KCNQ4: variants seen among roughly 807,000 people sequenced by gnomAD.
KCNQ4 encodes the protein potassium voltage-gated channel subfamily KQT member 4.
KCNQ4 carries 31 observed loss-of-function variants against 72.6 expected under a neutral mutation model. That is an observed-to-expected ratio of 0.43 (90% confidence interval 0.32 to 0.58). The LOEUF is 0.58. Among genes scored for constraint, KCNQ4 ranks in the 20% least tolerant of loss-of-function variants. The pLI, the probability that KCNQ4 is intolerant of heterozygous loss-of-function variation, is 0.08. For missense variants in KCNQ4, 869 were observed against 962.6 expected, an observed-to-expected ratio of 0.90 and a Z score of 1.29; for synonymous variants, 405 against 403.7, an observed-to-expected ratio of 1.00 and a Z score of -0.04.
In KCNQ4 at chr1:40,818,579, C is replaced by T. The variant is rs1414937353; in HGVS notation, c.607C>T (p.Leu203=). 2 of 1,605,628 alleles carry T rather than the reference C, an allele frequency of 1.2e-6. No homozygotes were observed. Among genetic ancestry groups the T allele is most frequent in the Non-Finnish European group, 8.5e-7 (1 of 1,179,828 alleles). The change falls in exon 4 of 14, where the codon CTG becomes TTG. Residue 203 remains leucine (L), a synonymous_variant. Transcript: ENST00000347132. ...TQGNIFATSA[L]RSMRFLQILR... ...GGGCAACATCTTCGCCACGTCCGCG[C>T]TGCGCAGCATGCGCTTCCTGCAGAT...
chr1:40,797,729 C>A (rs1251103629), intron 1 of KCNQ4, among the ~76,000 whole-genome samples: 1 of 152,170 alleles, frequency 6.6e-6, no homozygotes, highest in Non-Finnish European at 1.5e-5. Context: ...TGAGTGCCTC[C>A]TCCAGAGCTA....
At chr1:40,792,234 G>A (rs1647297187) in intron 1 of KCNQ4, among the ~76,000 whole-genome samples, 1 of 152,184 alleles carries the variant, frequency 6.6e-6, no homozygotes, top group South Asian at 2.1e-4. Context: ...GAAAGGAAAA[G>A]CAGGAACAGC....
intron 1 of KCNQ4, among the ~76,000 whole-genome samples, chr1:40,799,432 G>GCCC (rs149663653): frequency 1.1e-4 from 16 of 151,094 alleles, no homozygotes; most frequent in African/African-American, 3.6e-4. Context: ...TGTGGGCCAT[G>GCCC]CCCCCCCCCT....
intron 1 of KCNQ4, among the ~76,000 whole-genome samples, chr1:40,804,434 A>G (rs915685773): frequency 6.6e-6 from 1 of 152,206 alleles, no homozygotes; most frequent in Non-Finnish European, 1.5e-5. Flanking sequence ...TCTATAAATG[A>G]GAAGGTTGGT....
intron 1 of KCNQ4, among the ~76,000 whole-genome samples, chr1:40,798,669 G>C (rs544861375): frequency 6.6e-6 from 1 of 152,342 alleles, no homozygotes; most frequent in African/African-American, 2.4e-5. Context: ...TTTTGAGCCT[G>C]CGCTCTCAGC....
At position 40,794,417 on chromosome 1, in the gene KCNQ4, T is replaced by C. The variant is rs1647350929; in HGVS notation, c.314+10010T>C. 6.6e-6 allele frequency among the ~76,000 whole-genome samples: 1 copy of C among 152,172 alleles called. No individual in the cohort carries two copies. The highest frequency in any genetic ancestry group is 1.5e-5 in the Non-Finnish European group (1 of 68,028). On this transcript the variant is annotated intron_variant, in intron 1 of 13. Coordinates refer to ENST00000347132, the MANE Select transcript of KCNQ4 (RefSeq NM_004700.4). This position sits in a 1 kb window ranked among gnomAD's most constrained non-coding sequence, Gnocchi z 4.2. Reference sequence around the variant, plus strand: ...CCCGCTAGGTAGCAGGCACTATTATTGTTCCCATTTTGCAGACAAGAAACT... The same window carrying C: ...CCCGCTAGGTAGCAGGCACTATTATCGTTCCCATTTTGCAGACAAGAAACT...
intron 3 of KCNQ4, 32 bp from the exon 4 acceptor site, chr1:40,818,473 T>C: frequency 6.3e-7 from 1 of 1,593,452 alleles, no homozygotes; most frequent in Non-Finnish European, 8.5e-7. Context: ...CGGGGTAGGC[T>C]GGCTGTGATC....
intron 6 of KCNQ4, 24 bp from the exon 7 acceptor site, chr1:40,820,141 C>G (rs1029758164): frequency 1.3e-5 from 21 of 1,592,682 alleles, no homozygotes; most frequent in East Asian, 9.1e-5. Context: ...AGCACATTCC[C>G]CCAACCATGC....
chr1:40,831,376 G>T, intron 10 of KCNQ4, 72 bp downstream of exon 10: 1 of 1,295,776 alleles, frequency 7.7e-7, no homozygotes. Flanking sequence ...TCTGGGCTGG[G>T]AGCAGAAAGA....
At chr1:40,813,225 T>C (rs932847067) in intron 1 of KCNQ4, among the ~76,000 whole-genome samples, 1 of 152,214 alleles carries the variant, frequency 6.6e-6, no homozygotes, top group African/African-American at 2.4e-5. Context: ...CTAAGTGCGA[T>C]GGAAGTCCGA....
chr1:40,818,218 G>A lies in KCNQ4; in HGVS notation c.460G>A (p.Ala154Thr). 1 of 1,613,802 alleles carries A rather than the reference G, an allele frequency of 6.2e-7. No homozygotes were observed. The highest frequency in any genetic ancestry group is 8.5e-7 in the Non-Finnish European group (1 of 1,180,030). The change falls in exon 3 of 14, where the codon GCC becomes ACC. Residue 154 changes from alanine (A) to threonine (T), a missense_variant. Around this residue, in one of 5 missense-constraint regions of KCNQ4, gnomAD observed 179 missense variants for 243.0 expected, o/e 0.74. Coordinates refer to ENST00000347132, the MANE Select transcript of KCNQ4 (RefSeq NM_004700.4). ...GLEYIVRVWS[A>T]GCCCRYRGWQ... Reference sequence around the variant, plus strand: ...GGAGTACATCGTCCGGGTCTGGTCCGCCGGATGCTGCTGCCGCTACCGAGG... The same window carrying A: ...GGAGTACATCGTCCGGGTCTGGTCCACCGGATGCTGCTGCCGCTACCGAGG...
intron 1 of KCNQ4, among the ~76,000 whole-genome samples, chr1:40,799,074 G>A (rs966377859): frequency 1.3e-5 from 2 of 152,264 alleles, no homozygotes; most frequent in African/African-American, 4.8e-5. Flanking sequence ...CCAGGGCCGT[G>A]GGAGAGGTTT....
chr1:40,801,568 G>C (rs893241240), intron 1 of KCNQ4, among the ~76,000 whole-genome samples: 10 of 152,242 alleles, frequency 6.6e-5, no homozygotes, highest in Non-Finnish European at 1.5e-4. Flanking sequence ...ACAAGATCAA[G>C]TACCTGCATT....
intron 1 of KCNQ4, among the ~76,000 whole-genome samples, chr1:40,785,011 C>T (rs1647188238): frequency 6.6e-6 from 1 of 152,192 alleles, no homozygotes; most frequent in Admixed American, 6.5e-5. Context: ...CTCAGTCTTC[C>T]CCTCCACCCT....
intron 1 of KCNQ4, among the ~76,000 whole-genome samples, chr1:40,814,856 A>C (rs1648036384): frequency 1.3e-5 from 2 of 151,990 alleles, no homozygotes; most frequent in Admixed American, 1.3e-4. Flanking sequence ...TTGGGATCAC[A>C]TTGCCGTTAA....
At chr1:40,802,894 A>G (rs9970339) in intron 1 of KCNQ4, among the ~76,000 whole-genome samples, 148,246 of 152,318 alleles carry the variant, frequency 0.97, 72,163 homozygotes, top group African/African-American at 0.98. Flanking sequence ...ACTTGCTAAA[A>G]GTCACACAGC....
intron 7 of KCNQ4, among the ~76,000 whole-genome samples, chr1:40,821,872 A>G (rs569171739): frequency 7.2e-5 from 11 of 152,320 alleles, no homozygotes; most frequent in African/African-American, 2.4e-4. Context: ...AGTGCCTACT[A>G]TATACCAGGC....
intron 1 of KCNQ4, among the ~76,000 whole-genome samples, chr1:40,785,166 G>C (rs1362513843): frequency 6.6e-6 from 1 of 152,120 alleles, no homozygotes; most frequent in East Asian, 1.9e-4. Flanking sequence ...GGTAGGTTTG[G>C]AAACACTGAC....
Position 40,794,063 on chromosome 1 carries a change from C to G in KCNQ4, c.314+9656C>G, listed in dbSNP as rs1249611682. On this transcript the variant is annotated intron_variant, in intron 1 of 13. Coordinates refer to ENST00000347132, the MANE Select transcript of KCNQ4 (RefSeq NM_004700.4). This position sits in a 1 kb window ranked among gnomAD's most constrained non-coding sequence, Gnocchi z 4.2. ...GTAAGGATGAGAAGGGTTTTGCCAA[C>G]TAGAGAGAAGTGGAGAAAAGACCCC... Among the ~76,000 whole-genome samples the G allele has an allele frequency of 6.6e-6, 1 of 152,190 alleles. No homozygotes were observed. The highest frequency in any genetic ancestry group is 1.5e-5 in the Non-Finnish European group (1 of 68,032).
Sources: gnomAD v4.1 joint callset for allele counts (sites outside exome capture counted in the v4.1 genomes callset) on GRCh38, gnomAD v4.1.1 for gene constraint, gnomAD v4.1.1 regional missense constraint, Gnocchi (gnomAD v3.1) non-coding constraint, MANE v1.5 for transcripts, NCBI Gene and HGNC (gene_info 2026-07-23, HGNC 2026-07-21) for gene names.